IL12RB2: variants seen among roughly 807,000 people sequenced by gnomAD.
IL12RB2 encodes the protein interleukin 12 receptor subunit beta 2.
Under a neutral mutation model 89.4 loss-of-function variants are expected in IL12RB2, and 82 were observed. The observed-to-expected ratio is 0.92, with a 90% CI of 0.77 to 1.10. The LOEUF is 1.10. IL12RB2 is among the 50% of genes least tolerant of loss of function. IL12RB2 has a pLI of 0.00. For missense variants in IL12RB2, 963 were observed against 1,031.9 expected, an observed-to-expected ratio of 0.93 and a Z score of 0.92; for synonymous variants, 368 against 370.1, an observed-to-expected ratio of 0.99 and a Z score of 0.07.
intron 8 of IL12RB2, among the ~76,000 whole-genome samples, chr1:67,336,773 C>G (rs1658824917): frequency 6.6e-6 from 1 of 152,200 alleles, no homozygotes; most frequent in South Asian, 2.1e-4. Context: ...AGGCTATGGG[C>G]TCTGGGATAA....
intron 4 of IL12RB2, among the ~76,000 whole-genome samples, chr1:67,323,351 A>G (rs1015610302): frequency 7.9e-5 from 12 of 152,348 alleles, no homozygotes; most frequent in Non-Finnish European, 1.3e-4. Context: ...TAGAAGTAGC[A>G]TGGGCTTTGA....
chr1:67,386,696 G>A (rs1665189447), intron 15 of IL12RB2, 27 bp downstream of exon 15: 3 of 1,415,694 alleles, frequency 2.1e-6, no homozygotes, highest in Non-Finnish European at 3.0e-6. Flanking sequence ...TACCAAGTGG[G>A]TAAATGAGGC....
intron 10 of IL12RB2, among the ~76,000 whole-genome samples, chr1:67,361,238 A>G (rs1436116437): frequency 6.6e-6 from 1 of 152,192 alleles, no homozygotes; most frequent in African/African-American, 2.4e-5. Flanking sequence ...TTTCAACAAA[A>G]AATTATAAGG....
intron 8 of IL12RB2, among the ~76,000 whole-genome samples, chr1:67,331,445 T>C (rs2100687087): frequency 6.6e-6 from 1 of 152,344 alleles, no homozygotes; most frequent in Middle Eastern, 3.4e-3. Flanking sequence ...TATTGAAGTA[T>C]AAGAAAATAT....
intron 11 of IL12RB2, among the ~76,000 whole-genome samples, chr1:67,369,927 C>G (rs755824354): frequency 6.9e-6 from 1 of 145,468 alleles, no homozygotes; most frequent in African/African-American, 2.5e-5. Context: ...GAGGCTAAGG[C>G]AAGATAATTG....
chr1:67,352,843 A>G (rs1205231831), intron 10 of IL12RB2, among the ~76,000 whole-genome samples: 1 of 152,226 alleles, frequency 6.6e-6, no homozygotes, highest in Admixed American at 6.5e-5. Flanking sequence ...AAGAGTAAGT[A>G]GAATGAACAT....
Position 67,338,502 on chromosome 1 carries a change from C to T in IL12RB2, c.959-122C>T, listed in dbSNP as rs187416378. Reference sequence around the variant, plus strand: ...ACAAGAAAAAGAAAAAATACTGGGACACACACAAATAATTGAAGTTATCCT... The same window carrying T: ...ACAAGAAAAAGAAAAAATACTGGGATACACACAAATAATTGAAGTTATCCT... On this transcript the variant is annotated intron_variant, in intron 8 of 16. Coordinates refer to ENST00000674203, the MANE Select transcript of IL12RB2 (RefSeq NM_001374259.2). The T allele has an allele frequency of 1.6e-4, 109 of 681,358 alleles. 1 individual carries two copies. In the African/African-American group the frequency reaches 1.8e-3, roughly 11 times the overall value. The allele number at this position is 681,358 out of a possible 1,614,324, so 42.2% of individuals were successfully genotyped here.
chr1:67,341,546 AG>A (rs375075076), intron 9 of IL12RB2, among the ~76,000 whole-genome samples: 49,903 of 89,258 alleles, frequency 0.56, 12,410 homozygotes, highest in Non-Finnish European at 0.63. Context: ...AAAGAAAGAA[AG>A]AAAGAAAGAA....
rs1256796271 is a variant in IL12RB2 at position 67,398,242 on chromosome 1, T to C, written c.*2153T>C. 1.3e-5 allele frequency among the ~76,000 whole-genome samples: 2 copies of C among 152,162 alleles called. No homozygotes were observed. Among genetic ancestry groups the C allele is most frequent in the Admixed American group, 6.5e-5 (1 of 15,272 alleles). The stretch of plus-strand genomic sequence containing the variant: ...ACATGCCCTTGACTGGCACAAACCA[T>C]GACAGACAAGGCCACCTCCTCAGAA... On this transcript the variant is annotated 3_prime_UTR_variant, in exon 17 of 17. Transcript: ENST00000674203.
intron 1 of IL12RB2, among the ~76,000 whole-genome samples, chr1:67,308,428 C>G (rs565450387): frequency 5.3e-5 from 8 of 152,150 alleles, no homozygotes; most frequent in African/African-American, 1.9e-4. Context: ...TTGGGGGGGG[C>G]CTTCCGTAGT....
At chr1:67,360,497 A>G (rs114967702) in intron 10 of IL12RB2, among the ~76,000 whole-genome samples, 5,687 of 152,086 alleles carry the variant, frequency 0.037, 295 homozygotes, top group East Asian at 0.19. Context: ...GAACCGTTAT[A>G]AAATACATCA....
chr1:67,316,214 T>G (rs1038710104), intron 2 of IL12RB2, among the ~76,000 whole-genome samples: 2 of 151,724 alleles, frequency 1.3e-5, no homozygotes, highest in African/African-American at 4.8e-5. Flanking sequence ...TTATGGTACG[T>G]GCTAAGATAG....
At chr1:67,361,049 A>T (rs1288424059) in intron 10 of IL12RB2, among the ~76,000 whole-genome samples, 1 of 152,046 alleles carries the variant, frequency 6.6e-6, no homozygotes, top group Non-Finnish European at 1.5e-5. Context: ...ATCCTATCCC[A>T]CTTAAGAGGG....
At chr1:67,395,175 C>T (rs566832174) in intron 16 of IL12RB2, among the ~76,000 whole-genome samples, 8 of 151,588 alleles carry the variant, frequency 5.3e-5, no homozygotes, top group South Asian at 4.2e-4. Flanking sequence ...GGCTGAGGCA[C>T]GAGAATTGCT....
chr1:67,367,709 A>T (rs1039561722), intron 10 of IL12RB2, 116 bp from the exon 11 acceptor site: 1 of 756,406 alleles, frequency 1.3e-6, no homozygotes, highest in African/African-American at 1.7e-5. Context: ...CTTTAAAAGT[A>T]AACAGATTCT....
intron 10 of IL12RB2, among the ~76,000 whole-genome samples, chr1:67,356,166 T>C (rs1204196004): frequency 6.6e-6 from 1 of 152,340 alleles, no homozygotes; most frequent in African/African-American, 2.4e-5. Context: ...TGACAAGATG[T>C]CCAGTACACT....
At chr1:67,314,801 C>T (rs1038044768) in intron 2 of IL12RB2, among the ~76,000 whole-genome samples, 3 of 152,108 alleles carry the variant, frequency 2.0e-5, no homozygotes, top group South Asian at 2.1e-4. Flanking sequence ...GTCTTCCTAC[C>T]GGTCGGTGTA....
intron 4 of IL12RB2, among the ~76,000 whole-genome samples, chr1:67,322,387 T>C (rs1490589649): frequency 6.8e-6 from 1 of 146,316 alleles, no homozygotes; most frequent in East Asian, 2.0e-4. Context: ...AAGAAAACAT[T>C]GATCATACTT....
intron 5 of IL12RB2, among the ~76,000 whole-genome samples, chr1:67,327,321 TTAAAG>T (rs1657470945): frequency 1.3e-5 from 2 of 152,190 alleles, no homozygotes; most frequent in African/African-American, 4.8e-5. Context: ...TAGATACTTT[TTAAAG>T]AGTTTCTATG....
Sources: gnomAD v4.1 joint callset for allele counts (sites outside exome capture counted in the v4.1 genomes callset) on GRCh38, gnomAD v4.1.1 for gene constraint, MANE v1.5 for transcripts, NCBI Gene and HGNC (gene_info 2026-07-23, HGNC 2026-07-21) for gene names.